The following GRK3 variants were observed in gnomAD, a reference collection of about 807,000 sequenced individuals.
The protein encoded by GRK3 is G protein-coupled receptor kinase 3.
A neutral mutation model predicts 95.7 loss-of-function variants in GRK3; 54 were observed. The observed-to-expected ratio is 0.56, with a 90% CI of 0.45 to 0.71. The LOEUF is 0.71. Ranked by LOEUF, GRK3 falls within the 30% of genes least tolerant of loss-of-function variation. The pLI is 0.00. For synonymous variants in GRK3, 281 were observed against 290.8 expected (o/e 0.97, Z 0.34); for missense variants, 649 against 851.2 (o/e 0.76, Z 2.96).
At chr22:25,614,994 C>G (rs2084527118) in intron 2 of GRK3, among the ~76,000 whole-genome samples, 1 of 152,208 alleles carries the variant, frequency 6.6e-6, no homozygotes, top group South Asian at 2.1e-4. Context: ...CTCTGACATT[C>G]CAGTACTGAA....
chr22:25,687,882 C>G (rs570517145), intron 11 of GRK3, among the ~76,000 whole-genome samples: 1 of 152,284 alleles, frequency 6.6e-6, no homozygotes, highest in Non-Finnish European at 1.5e-5. Context: ...AACCCTGGTG[C>G]CTACTACAGT....
intron 7 of GRK3, 132 bp from the exon 8 acceptor site, chr22:25,674,305 C>T (rs138092452): frequency 2.5e-5 from 16 of 639,014 alleles, no homozygotes; most frequent in Non-Finnish European, 2.6e-5. Flanking sequence ...CTTAAAGACT[C>T]AGTCATGAAA....
At chr22:25,718,148 T>C in intron 18 of GRK3, 97 bp from the exon 19 acceptor site, 1 of 1,400,272 alleles carries the variant, frequency 7.1e-7, no homozygotes. Context: ...AACCTGCTTT[T>C]TCCAAAAAGC....
At chr22:25,591,741 G>A (rs889081148) in intron 1 of GRK3, among the ~76,000 whole-genome samples, 4 of 152,092 alleles carry the variant, frequency 2.6e-5, no homozygotes, top group African/African-American at 9.7e-5. Context: ...GTAATCAAAC[G>A]TTGTGTACTT....
intron 1 of GRK3, among the ~76,000 whole-genome samples, chr22:25,601,486 A>G (rs575177799): frequency 2.0e-5 from 3 of 152,328 alleles, no homozygotes; most frequent in East Asian, 1.9e-4. Context: ...GAATATATCA[A>G]TATCTGTGAG....
intron 1 of GRK3, chr22:25,580,711 A>G (rs1248199961): frequency 6.6e-6 from 1 of 152,146 alleles, no homozygotes; most frequent in East Asian, 1.9e-4. Context: ...AATTTTTTGT[A>G]TTTAGTAGAG....
intron 2 of GRK3, among the ~76,000 whole-genome samples, chr22:25,612,696 A>G (rs2146348592): frequency 6.6e-6 from 1 of 152,288 alleles, no homozygotes; most frequent in African/African-American, 2.4e-5. Context: ...GCATGATATC[A>G]AAGAACATTT....
chr22:25,669,136 G>A (rs1230585062), intron 6 of GRK3, among the ~76,000 whole-genome samples: 1 of 152,162 alleles, frequency 6.6e-6, no homozygotes, highest in African/African-American at 2.4e-5. Context: ...GAAAAGCACA[G>A]GGACTCCATC....
intron 13 of GRK3, among the ~76,000 whole-genome samples, chr22:25,697,184 G>A (rs1248529087): frequency 6.6e-6 from 1 of 152,180 alleles, no homozygotes; most frequent in Non-Finnish European, 1.5e-5. Context: ...AGGGCTTTGT[G>A]TACTTCTTTG....
At chr22:25,631,429 C>T (rs777930089) in intron 2 of GRK3, among the ~76,000 whole-genome samples, 3 of 152,182 alleles carry the variant, frequency 2.0e-5, no homozygotes, top group Non-Finnish European at 2.9e-5. Flanking sequence ...ATCAGGCTGG[C>T]TTCTAGAAAT....
intron 1 of GRK3, among the ~76,000 whole-genome samples, chr22:25,603,765 G>T (rs1337125190): frequency 1.3e-5 from 2 of 152,066 alleles, no homozygotes; most frequent in Non-Finnish European, 2.9e-5. Flanking sequence ...TATTTATTTA[G>T]ATCCTCTTTA....
rs1333990279 is a variant in GRK3, at chr22:25,704,292, C to T, written c.1328+83C>T. 5 of 973,256 alleles carry T rather than the reference C, an allele frequency of 5.1e-6. No homozygotes were observed. The African/African-American group carries it at 6.6e-5, about 13-fold the overall frequency. The allele number at this position is 973,256 out of a possible 1,614,324, so 60.3% of individuals were successfully genotyped here. A position where few individuals can be genotyped will look rare whatever the true frequency, so the allele number is the denominator to read the frequency against. On this transcript the variant is annotated intron_variant, in intron 15 of 20. Coordinates refer to ENST00000324198, the MANE Select transcript of GRK3 (RefSeq NM_005160.4). ...AAATACTGTCTATCAAAAGTCATCC[C>T]TAGTCATTAAAATCTTCCATTTTGA... is the stretch of plus-strand genomic sequence containing the variant.
intron 18 of GRK3, among the ~76,000 whole-genome samples, chr22:25,717,986 A>G (rs1235001998): frequency 6.6e-6 from 1 of 152,232 alleles, no homozygotes; most frequent in East Asian, 1.9e-4. Flanking sequence ...TCCCAGAGCA[A>G]TAAATGAACA....
intron 1 of GRK3, among the ~76,000 whole-genome samples, chr22:25,596,117 C>G (rs770608459): frequency 6.6e-5 from 10 of 152,102 alleles, no homozygotes; most frequent in Non-Finnish European, 1.0e-4. Context: ...TATGGAAAAA[C>G]TGGAAAGTCA....
In GRK3 at chr22:25,706,868, A is replaced by G. The variant is rs184190834; in HGVS notation, c.1328+2659A>G. 1.1e-4 allele frequency among the ~76,000 whole-genome samples: 16 copies of G among 152,108 alleles called. 1 individual carries two copies. The East Asian group carries it at 3.1e-3, about 29-fold the overall frequency. ...GATAGTATCTCACTCTGTCACCCAG[A>G]CTGGAGTGCAATGGCATGATCATAG... is the stretch of plus-strand genomic sequence containing the variant. On this transcript the variant is annotated intron_variant, in intron 15 of 20. Transcript: ENST00000324198.
intron 12 of GRK3, among the ~76,000 whole-genome samples, chr22:25,691,844 C>G (rs2085167036): frequency 6.6e-6 from 1 of 152,296 alleles, no homozygotes; most frequent in East Asian, 1.9e-4. Context: ...TTTGCCTGCT[C>G]TGGATAGTAC....
chr22:25,716,288 A>G (rs1313599447), intron 18 of GRK3, among the ~76,000 whole-genome samples: 1 of 152,136 alleles, frequency 6.6e-6, no homozygotes, highest in African/African-American at 2.4e-5. Flanking sequence ...GCGCCCGGCC[A>G]TAAGCTCTTC....
chr22:25,583,428 C>T (rs1932177843), intron 1 of GRK3, among the ~76,000 whole-genome samples: 1 of 148,132 alleles, frequency 6.8e-6, no homozygotes, highest in Non-Finnish European at 1.5e-5. Flanking sequence ...GGCAGGCTAA[C>T]AGGACTTACA....
At chr22:25,592,685 A>G (rs1932532613) in intron 1 of GRK3, among the ~76,000 whole-genome samples, 1 of 152,166 alleles carries the variant, frequency 6.6e-6, no homozygotes, top group Non-Finnish European at 1.5e-5. Context: ...TAAGGGGTAC[A>G]TGTGCAGGTT....
Sources: gnomAD v4.1 joint callset for allele counts (sites outside exome capture counted in the v4.1 genomes callset) on GRCh38, gnomAD v4.1.1 for gene constraint, MANE v1.5 for transcripts, NCBI Gene and HGNC (gene_info 2026-07-23, HGNC 2026-07-21) for gene names.